Variants in CDH12 observed in about 807,000 individuals in gnomAD.
CDH12 encodes cadherin 12.
Under a neutral mutation model 74.1 loss-of-function variants are expected in CDH12, and 41 were observed. The ratio of observed to expected loss-of-function variants is 0.55; its 90% CI spans 0.43 to 0.72. The LOEUF (loss-of-function observed/expected upper bound fraction) is 0.72. CDH12 is among the 30% of genes least tolerant of loss of function. The pLI, the probability that CDH12 is intolerant of heterozygous loss-of-function variation, is 0.00. For synonymous variants in CDH12, 399 were observed against 355.0 expected, an observed-to-expected ratio of 1.12 and a Z score of -1.39; for missense variants, 945 against 977.2, an observed-to-expected ratio of 0.97 and a Z score of 0.44.
At chr5:21,809,963 GA>G (rs1398720979) in intron 9 of CDH12, among the ~76,000 whole-genome samples, 1 of 151,902 alleles carries the variant, frequency 6.6e-6, no homozygotes, top group Non-Finnish European at 1.5e-5. Flanking sequence ...AAGCAAGGGA[GA>G]AAAAAATGTT....
At chr5:22,235,536 G>T (rs1478605177) in intron 3 of CDH12, among the ~76,000 whole-genome samples, 1 of 151,418 alleles carries the variant, frequency 6.6e-6, no homozygotes, top group Non-Finnish European at 1.5e-5. Context: ...AGCTGAAATT[G>T]TGCCACTGCA....
At chr5:22,252,510 T>G (rs1753170374) in intron 3 of CDH12, among the ~76,000 whole-genome samples, 1 of 152,082 alleles carries the variant, frequency 6.6e-6, no homozygotes, top group Non-Finnish European at 1.5e-5. Context: ...TATGGCATCG[T>G]TAACCATCCA....
chr5:22,506,385 T>C (rs1235611797), intron 1 of CDH12, among the ~76,000 whole-genome samples: 6 of 152,168 alleles, frequency 3.9e-5, no homozygotes, highest in Admixed American at 3.9e-4. Context: ...TTGTATTTCA[T>C]GTTATAATAC....
intron 5 of CDH12, among the ~76,000 whole-genome samples, chr5:22,051,292 C>CT: frequency 6.6e-6 from 1 of 152,166 alleles, no homozygotes; most frequent in Middle Eastern, 3.4e-3. Context: ...GTCGTTATTG[C>CT]TTTTTTATAT....
intron 3 of CDH12, among the ~76,000 whole-genome samples, chr5:22,330,744 CAAAAAAAAA>C (rs1212274101): frequency 1.9e-5 from 1 of 52,356 alleles, no homozygotes; most frequent in African/African-American, 5.6e-5. Context: ...AGCGAGACTC[CAAAAAAAAA>C]AAAAAAAAAA....
At chr5:22,326,756 G>T (rs1288670133) in intron 3 of CDH12, among the ~76,000 whole-genome samples, 1 of 152,138 alleles carries the variant, frequency 6.6e-6, no homozygotes, top group African/African-American at 2.4e-5. Context: ...CAGTGAAAAT[G>T]TACTGTATAT....
At chr5:21,944,228 T>A (rs1184144492) in intron 6 of CDH12, among the ~76,000 whole-genome samples, 1 of 152,206 alleles carries the variant, frequency 6.6e-6, no homozygotes, top group Non-Finnish European at 1.5e-5. Context: ...AACAGTTTAG[T>A]GCTCCTATGT....
chr5:22,546,770 T>G (rs547392916), intron 1 of CDH12, among the ~76,000 whole-genome samples: 1 of 152,204 alleles, frequency 6.6e-6, no homozygotes, highest in Non-Finnish European at 1.5e-5. Context: ...AATAAAAAAA[T>G]ACATTGAAAG....
At chr5:21,788,891 T>TATA (rs1746340839) in intron 10 of CDH12, among the ~76,000 whole-genome samples, 2 of 152,054 alleles carry the variant, frequency 1.3e-5, no homozygotes, top group African/African-American at 2.4e-5. Flanking sequence ...CTAATATTGA[T>TATA]ATAATGGTAT....
At chr5:22,445,868 T>C (rs1386716336) in intron 2 of CDH12, among the ~76,000 whole-genome samples, 2 of 152,156 alleles carry the variant, frequency 1.3e-5, no homozygotes, top group East Asian at 3.9e-4. Flanking sequence ...CTGCAGTTCC[T>C]CTACATAAGC....
rs547994023 is a variant in CDH12, at chr5:22,809,427, A to G, written c.-523+43631T>C. Among the ~76,000 whole-genome samples, 8 of 151,824 alleles carry G rather than the reference A, an allele frequency of 5.3e-5. No homozygotes were observed. In the South Asian group the frequency reaches 1.7e-3, roughly 31 times the overall value. Reference sequence around the variant, plus strand: ...ATCTTATAAAGAACATATTCTAGAAATAAATATAAATAAATAATATGATAC... The same window carrying G: ...ATCTTATAAAGAACATATTCTAGAAGTAAATATAAATAAATAATATGATAC... On this transcript the variant is annotated intron_variant, in intron 1 of 14. Transcript: ENST00000382254.
chr5:22,428,634 T>A (rs1313998046), intron 2 of CDH12, among the ~76,000 whole-genome samples: 1 of 152,166 alleles, frequency 6.6e-6, no homozygotes, highest in Non-Finnish European at 1.5e-5. Flanking sequence ...TTGATTTTTG[T>A]CCTTTACTAT....
intron 6 of CDH12, among the ~76,000 whole-genome samples, chr5:21,955,800 C>G (rs1484591010): frequency 6.6e-6 from 1 of 152,044 alleles, no homozygotes; most frequent in East Asian, 1.9e-4. Flanking sequence ...GATGGCGTGA[C>G]TCAGGTAATC....
chr5:22,379,865 T>C (rs1282352166), intron 3 of CDH12, among the ~76,000 whole-genome samples: 3 of 152,216 alleles, frequency 2.0e-5, no homozygotes, highest in Non-Finnish European at 2.9e-5. Context: ...ATGATCCTTC[T>C]GCCTCAGCCT....
intron 1 of CDH12, among the ~76,000 whole-genome samples, chr5:22,738,128 G>T (rs1293875986): frequency 1.3e-5 from 2 of 151,956 alleles, no homozygotes; most frequent in Non-Finnish European, 2.9e-5. Context: ...TTTAGAGCTG[G>T]AGAATGCTAC....
At chr5:21,810,458 T>C (rs6452003) in intron 9 of CDH12, among the ~76,000 whole-genome samples, 106,639 of 151,884 alleles carry the variant, frequency 0.7, 38,276 homozygotes, top group Non-Finnish European at 0.78. Flanking sequence ...ATGGAAGCGG[T>C]GTTAGAAAAA....
At chr5:22,593,527 T>G (rs1169014374) in intron 1 of CDH12, among the ~76,000 whole-genome samples, 1 of 152,234 alleles carries the variant, frequency 6.6e-6, no homozygotes, top group African/African-American at 2.4e-5. Context: ...TCTGCTCTCA[T>G]TTATTTTCCT....
intron 1 of CDH12, among the ~76,000 whole-genome samples, chr5:22,623,268 G>GATGCC (rs755215374): frequency 2.0e-5 from 3 of 150,724 alleles, no homozygotes; most frequent in Admixed American, 1.3e-4. Flanking sequence ...ACAAGACAAG[G>GATGCC]CTCTCTCACC....
intron 2 of CDH12, among the ~76,000 whole-genome samples, chr5:22,480,241 T>C (rs1396353302): frequency 6.6e-6 from 1 of 151,470 alleles, no homozygotes; most frequent in Non-Finnish European, 1.5e-5. Context: ...GGTTTTTGAC[T>C]TTTTTTTTCT....
Sources: allele counts gnomAD v4.1 joint callset (sites outside exome capture counted in the v4.1 genomes callset), GRCh38; gene constraint gnomAD v4.1.1; transcripts MANE v1.5; gene names NCBI Gene and HGNC (gene_info 2026-07-23, HGNC 2026-07-21).